The following PRKCA variants were observed in gnomAD, a reference collection of about 807,000 sequenced individuals.
PRKCA encodes the protein protein kinase C alpha type.
PRKCA carries 27 observed loss-of-function variants against 87.0 expected under a neutral mutation model. The ratio of observed to expected loss-of-function variants is 0.31; its 90% CI spans 0.23 to 0.43. The LOEUF (loss-of-function observed/expected upper bound fraction) is 0.43. Among genes scored for constraint, PRKCA ranks in the 20% least tolerant of loss-of-function variants. PRKCA has a pLI of 1.00. For synonymous variants in PRKCA, 329 were observed against 311.1 expected (o/e 1.06, Z -0.61); for missense variants, 518 against 852.3 (o/e 0.61, Z 4.88).
intron 3 of PRKCA, among the ~76,000 whole-genome samples, chr17:66,615,546 C>T (rs181583206): frequency 3.9e-5 from 6 of 152,140 alleles, no homozygotes; most frequent in African/African-American, 1.2e-4. Flanking sequence ...AACTGTCTAT[C>T]CTTCAAGCCT....
intron 2 of PRKCA, among the ~76,000 whole-genome samples, chr17:66,370,513 G>T (rs371303992): frequency 6.8e-6 from 1 of 147,924 alleles, no homozygotes; most frequent in Non-Finnish European, 1.5e-5. Context: ...TCACAATAGC[G>T]CTATAGATTT....
chr17:66,669,383 C>G (rs1972119095), intron 5 of PRKCA, among the ~76,000 whole-genome samples: 1 of 151,866 alleles, frequency 6.6e-6, no homozygotes, highest in Admixed American at 6.6e-5. Context: ...TTCTAGAATG[C>G]AGGCAAAAGG....
intron 8 of PRKCA, among the ~76,000 whole-genome samples, chr17:66,712,916 T>C (rs1271457198): frequency 6.6e-6 from 1 of 152,148 alleles, no homozygotes; most frequent in Non-Finnish European, 1.5e-5. Context: ...TTTGCTGCAG[T>C]CATTACTCAG....
intron 3 of PRKCA, among the ~76,000 whole-genome samples, chr17:66,577,473 C>T (rs1435917215): frequency 1.3e-5 from 2 of 152,108 alleles, no homozygotes; most frequent in Non-Finnish European, 2.9e-5. Context: ...TCCTCCATAG[C>T]AGCCAGGATG....
intron 2 of PRKCA, among the ~76,000 whole-genome samples, chr17:66,488,261 A>G (rs1916073752): frequency 1.3e-5 from 2 of 152,218 alleles, no homozygotes; most frequent in African/African-American, 4.8e-5. Flanking sequence ...AGCGTGTATG[A>G]TATGACTTTG....
At chr17:66,735,957 C>T (rs1371078670) in intron 10 of PRKCA, among the ~76,000 whole-genome samples, 1 of 138,368 alleles carries the variant, frequency 7.2e-6, no homozygotes, top group African/African-American at 2.7e-5. Context: ...ATCTCACTCT[C>T]TCGCCCAGGC....
intron 2 of PRKCA, among the ~76,000 whole-genome samples, chr17:66,374,868 C>T (rs9892096): frequency 0.066 from 10,096 of 151,898 alleles, 870 homozygotes; most frequent in African/African-American, 0.2. Context: ...GCTGGGACTA[C>T]AGGCACTTGC....
intron 2 of PRKCA, among the ~76,000 whole-genome samples, chr17:66,422,424 G>A (rs1156928727): frequency 2.6e-5 from 4 of 152,186 alleles, no homozygotes; most frequent in African/African-American, 9.6e-5. Context: ...AGCACCTAGA[G>A]CATAGCGTAA....
rs1916660323 is a variant in PRKCA at position 66,500,040 on chromosome 17, C to G, written c.288+3757C>G. ...GAGGTGATTCAGCCATGAGGTGGAG[C>G]CTTCCTGAATGGGACCAGCTCCCTT... On this transcript the variant is annotated intron_variant, in intron 3 of 16. Coordinates refer to ENST00000413366, the MANE Select transcript of PRKCA (RefSeq NM_002737.3). Among the ~76,000 whole-genome samples the G allele has an allele frequency of 7.2e-5, 11 of 152,056 alleles. No individual in the cohort carries two copies. The South Asian group carries it at 2.3e-3, about 32-fold the overall frequency.
At chr17:66,622,691 T>G (rs1970720861) in intron 3 of PRKCA, among the ~76,000 whole-genome samples, 1 of 152,228 alleles carries the variant, frequency 6.6e-6, no homozygotes, top group South Asian at 2.1e-4. Flanking sequence ...GTAGGTCTAA[T>G]GGACTCACAG....
At chr17:66,675,042 C>T (rs1972290949) in intron 5 of PRKCA, among the ~76,000 whole-genome samples, 1 of 152,244 alleles carries the variant, frequency 6.6e-6, no homozygotes, top group Admixed American at 6.5e-5. Flanking sequence ...CACTTGCTCT[C>T]TGTTGCCGGG....
chr17:66,682,287 G>T (rs760712246), intron 5 of PRKCA, among the ~76,000 whole-genome samples: 6 of 152,210 alleles, frequency 3.9e-5, no homozygotes, highest in Non-Finnish European at 7.3e-5. Context: ...TCAGTGCCGG[G>T]CTTGACAGCT....
chr17:66,393,058 G>A (rs1910453579), intron 2 of PRKCA, among the ~76,000 whole-genome samples: 1 of 152,188 alleles, frequency 6.6e-6, no homozygotes, highest in Non-Finnish European at 1.5e-5. Flanking sequence ...TTGGTTTGGG[G>A]AGGGAATGAC....
At chr17:66,618,329 T>C (rs1970571399) in intron 3 of PRKCA, among the ~76,000 whole-genome samples, 2 of 146,132 alleles carry the variant, frequency 1.4e-5, no homozygotes, top group South Asian at 4.4e-4. Context: ...CACTCCAGCC[T>C]GGCCAATGAG....
chr17:66,588,516 G>T (rs1375558022), intron 3 of PRKCA, among the ~76,000 whole-genome samples: 1 of 151,100 alleles, frequency 6.6e-6, no homozygotes, highest in African/African-American at 2.4e-5. Flanking sequence ...GGGTCTATTT[G>T]TTCTGCTCCT....
At chr17:66,316,789 T>C (rs1235827897) in intron 2 of PRKCA, among the ~76,000 whole-genome samples, 4 of 151,940 alleles carry the variant, frequency 2.6e-5, no homozygotes, top group African/African-American at 9.7e-5. Context: ...GATGAGATAC[T>C]CAGTTATACT....
intron 3 of PRKCA, among the ~76,000 whole-genome samples, chr17:66,543,106 TG>T (rs1261485966): frequency 1.3e-5 from 2 of 152,260 alleles, no homozygotes; most frequent in Non-Finnish European, 2.9e-5. Flanking sequence ...TTTAATGCAA[TG>T]TGCCTGATTT....
chr17:66,305,980 A>C (rs1388345781), intron 1 of PRKCA, 116 bp from the exon 2 acceptor site: 1 of 926,278 alleles, frequency 1.1e-6, no homozygotes, highest in Non-Finnish European at 1.7e-6. Context: ...CTATTAAATC[A>C]TTGGGTTTCA....
chr17:66,361,557 C>T (rs934175169), intron 2 of PRKCA, among the ~76,000 whole-genome samples: 2 of 152,050 alleles, frequency 1.3e-5, no homozygotes, highest in East Asian at 1.9e-4. Context: ...GTGATCCATC[C>T]GCCTCGGCCT....
Sources: gnomAD v4.1 joint callset for allele counts (sites outside exome capture counted in the v4.1 genomes callset) on GRCh38, gnomAD v4.1.1 for gene constraint, MANE v1.5 for transcripts, NCBI Gene and HGNC (gene_info 2026-07-23, HGNC 2026-07-21) for gene names.